Variants in CNOT6 observed in about 807,000 individuals in gnomAD.
CNOT6 encodes CCR4-NOT transcription complex subunit 6, also known as carbon catabolite repression 4 protein.
Under a neutral mutation model 61.2 loss-of-function variants are expected in CNOT6, and 12 were observed. The observed-to-expected ratio is 0.20, with a 90% CI of 0.13 to 0.32. The LOEUF (loss-of-function observed/expected upper bound fraction) is 0.32, where lower values mean the gene tolerates loss of function less well. Among genes scored for constraint, CNOT6 ranks in the 10% least tolerant of loss-of-function variants. The pLI, the probability that CNOT6 is intolerant of heterozygous loss-of-function variation, is 1.00. For missense variants in CNOT6, 405 were observed against 663.9 expected (o/e 0.61, Z 4.28); for synonymous variants, 225 against 240.6 (o/e 0.94, Z 0.60).
At chr5:180,501,420 T>C (rs1399172799) in intron 1 of CNOT6, among the ~76,000 whole-genome samples, 4 of 152,206 alleles carry the variant, frequency 2.6e-5, no homozygotes, top group African/African-American at 7.2e-5. Context: ...TAGAATAGTT[T>C]GATTTTTGAT....
chr5:180,530,171 C>G (rs1244897908), intron 2 of CNOT6, among the ~76,000 whole-genome samples: 1 of 152,192 alleles, frequency 6.6e-6, no homozygotes, highest in African/African-American at 2.4e-5. Flanking sequence ...TAGTACAGAA[C>G]AAATTTTGTC....
intron 1 of CNOT6, among the ~76,000 whole-genome samples, chr5:180,503,870 G>C (rs1371417151): frequency 6.6e-6 from 1 of 152,098 alleles, no homozygotes; most frequent in Non-Finnish European, 1.5e-5. Context: ...CTCCCAAAGT[G>C]CTGGGATTAC....
At chr5:180,558,978 A>G (rs1760038674) in intron 4 of CNOT6, among the ~76,000 whole-genome samples, 2 of 152,284 alleles carry the variant, frequency 1.3e-5, no homozygotes, top group South Asian at 2.1e-4. Context: ...GTGGTCAGAA[A>G]GTGAACGTTC....
intron 1 of CNOT6, among the ~76,000 whole-genome samples, chr5:180,504,437 T>A (rs554535983): frequency 6.6e-6 from 1 of 152,350 alleles, no homozygotes; most frequent in East Asian, 1.9e-4. Flanking sequence ...AAATATTGAA[T>A]GGCTCAAAAG....
intron 4 of CNOT6, among the ~76,000 whole-genome samples, chr5:180,558,522 C>CA (rs1332042461): frequency 0.018 from 2,698 of 147,006 alleles, 84 homozygotes; most frequent in African/African-American, 0.062. Flanking sequence ...AAAAAAAAAA[C>CA]AAAAAACCTG....
intron 1 of CNOT6, among the ~76,000 whole-genome samples, chr5:180,524,175 A>C (rs1464185933): frequency 6.6e-6 from 1 of 152,194 alleles, no homozygotes; most frequent in East Asian, 1.9e-4. Flanking sequence ...ATTTTAAAAA[A>C]AATTCTTTTG....
chr5:180,537,418 A>G (rs1435745789), intron 2 of CNOT6, among the ~76,000 whole-genome samples: 1 of 151,760 alleles, frequency 6.6e-6, no homozygotes, highest in East Asian at 1.9e-4. Context: ...TGCCATGGGT[A>G]TATCTGCTTT....
Position 180,569,247 on chromosome 5 carries a change from A to G in CNOT6, c.1165A>G (p.Lys389Glu). The G allele has an allele frequency of 6.2e-7, 1 of 1,614,180 alleles. No individual in the cohort carries two copies. The change falls in exon 10 of 12, where the codon AAA becomes GAA. Residue 389 changes from lysine to glutamate, a missense_variant. Transcript: ENST00000261951. ...CTCAGAAGTGAAGAACATTATTGAT[A>G]AAGCCTCTCGCAACCTCAAATCCAG... Reference protein sequence around the residue: ...FLSEVKNIIDKASRNLKSSVL... With the variant: ...FLSEVKNIIDEASRNLKSSVL...
At chr5:180,518,648 C>T (rs377228627) in intron 1 of CNOT6, among the ~76,000 whole-genome samples, 107 of 152,206 alleles carry the variant, frequency 7.0e-4, no homozygotes, top group African/African-American at 2.5e-3. Flanking sequence ...TGGCATGTGC[C>T]ACCACACCTG....
intron 11 of CNOT6, among the ~76,000 whole-genome samples, chr5:180,573,659 CAT>C (rs1760877340): frequency 1.3e-5 from 2 of 151,414 alleles, no homozygotes; most frequent in Non-Finnish European, 2.9e-5. Context: ...GGTCCCCTCA[CAT>C]CCTCACCCCT....
At chr5:180,549,825 A>G (rs1759506939) in intron 2 of CNOT6, 106 bp from the exon 3 acceptor site, 2 of 812,422 alleles carry the variant, frequency 2.5e-6, no homozygotes, top group Admixed American at 2.4e-5. Flanking sequence ...AAGTTTTTGG[A>G]TAATAATTTA....
intron 10 of CNOT6, among the ~76,000 whole-genome samples, chr5:180,569,992 T>C (rs1760662086): frequency 6.6e-6 from 1 of 152,202 alleles, no homozygotes; most frequent in Admixed American, 6.5e-5. Context: ...TGGACGTGAA[T>C]GTACGCATGA....
At chr5:180,517,042 A>G (rs192285105) in intron 1 of CNOT6, among the ~76,000 whole-genome samples, 126 of 152,318 alleles carry the variant, frequency 8.3e-4, no homozygotes, top group African/African-American at 2.9e-3. Context: ...AACGTTTTCT[A>G]CCTTATGATC....
At chr5:180,524,593 A>T (rs1223726254) in intron 1 of CNOT6, among the ~76,000 whole-genome samples, 1 of 152,168 alleles carries the variant, frequency 6.6e-6, no homozygotes, top group African/African-American at 2.4e-5. Context: ...AAGAAAGGGA[A>T]TGGTTGGCTG....
chr5:180,533,744 AT>A (rs1419689807), intron 2 of CNOT6, among the ~76,000 whole-genome samples: 2 of 152,038 alleles, frequency 1.3e-5, no homozygotes, highest in African/African-American at 2.4e-5. Context: ...TATTTATTTC[AT>A]TTTTATAGAT....
chr5:180,535,737 T>C (rs375823015), intron 2 of CNOT6, among the ~76,000 whole-genome samples: 16 of 152,196 alleles, frequency 1.1e-4, no homozygotes, highest in African/African-American at 3.6e-4. Flanking sequence ...CCATACTGAT[T>C]TCCATACAAG....
intron 4 of CNOT6, among the ~76,000 whole-genome samples, chr5:180,557,678 G>T (rs941100892): frequency 3.9e-5 from 6 of 152,072 alleles, no homozygotes; most frequent in African/African-American, 1.4e-4. Flanking sequence ...CAAGGTCATT[G>T]CACAGCAAAA....
intron 6 of CNOT6, among the ~76,000 whole-genome samples, chr5:180,565,068 G>C (rs530102619): frequency 2.8e-4 from 43 of 152,370 alleles, no homozygotes; most frequent in African/African-American, 9.6e-4. Context: ...CAGGGTTGCT[G>C]CTCAGCATTC....
intron 4 of CNOT6, among the ~76,000 whole-genome samples, chr5:180,563,592 G>A (rs1760301775): frequency 1.3e-5 from 2 of 152,106 alleles, no homozygotes; most frequent in African/African-American, 4.8e-5. Context: ...TTTAGGTTTT[G>A]ATCATTCTTA....
Sources: gnomAD v4.1 joint callset for allele counts (sites outside exome capture counted in the v4.1 genomes callset) on GRCh38, gnomAD v4.1.1 for gene constraint, MANE v1.5 for transcripts, NCBI Gene and HGNC (gene_info 2026-07-23, HGNC 2026-07-21) for gene names.